ZEB2: variants seen among roughly 807,000 people sequenced by gnomAD.
The protein encoded by ZEB2 is zinc finger E-box-binding homeobox 2.
ZEB2 carries 6 observed loss-of-function variants against 99.9 expected under a neutral mutation model. The observed-to-expected ratio is 0.06, with a 90% CI of 0.03 to 0.12. ZEB2 has a LOEUF of 0.12. ZEB2 is among the 10% of genes least tolerant of loss of function. ZEB2 has a pLI of 1.00. For synonymous variants in ZEB2, 517 were observed against 542.5 expected, an observed-to-expected ratio of 0.95 and a Z score of 0.65; for missense variants, 969 against 1,502.8, an observed-to-expected ratio of 0.64 and a Z score of 5.87.
intron 1 of ZEB2, chr2:144,518,853 T>A (rs1472249660): frequency 6.6e-6 from 1 of 152,196 alleles, no homozygotes; most frequent in Non-Finnish European, 1.5e-5. Flanking sequence ...TAAATACATG[T>A]TTAATAAAGT....
Position 144,474,197 on chromosome 2 carries a change from C to G in ZEB2, c.73+43081G>C, listed in dbSNP as rs540445486. Among the ~76,000 whole-genome samples, 3 of 152,302 alleles carry G rather than the reference C, an allele frequency of 2.0e-5. No individual in the cohort carries two copies. The South Asian group carries it at 6.2e-4, about 32-fold the overall frequency. On this transcript the variant is annotated intron_variant, in intron 2 of 9. Transcript: ENST00000627532. Reference sequence around the variant, plus strand: ...GATTGATTCAGACCAGATGGATGGCCTCACATAGGTGTGACAAAAATAGTA... The same window carrying G: ...GATTGATTCAGACCAGATGGATGGCGTCACATAGGTGTGACAAAAATAGTA...
chr2:144,510,272 T>C (rs1705012874), intron 2 of ZEB2, among the ~76,000 whole-genome samples: 2 of 152,110 alleles, frequency 1.3e-5, no homozygotes, highest in African/African-American at 4.8e-5. Context: ...TTCCTGAGGA[T>C]TTATCAGTGT....
At chr2:144,516,750 G>C (rs769493786) in intron 2 of ZEB2, 4 of 148,294 alleles carry the variant, frequency 2.7e-5, no homozygotes, top group Non-Finnish European at 6.0e-5. Context: ...GTTACTTGGC[G>C]CACCGAGAAG....
intron 2 of ZEB2, among the ~76,000 whole-genome samples, chr2:144,437,250 G>A (rs1703851042): frequency 6.6e-6 from 1 of 152,154 alleles, no homozygotes; most frequent in African/African-American, 2.4e-5. Flanking sequence ...TGGCTAAAAA[G>A]TCTAACAGCA....
Position 144,500,741 on chromosome 2 carries a change from C to T in ZEB2, c.73+16537G>A, listed in dbSNP as rs79327298. ...TGGTAAGTTTATGAATTACTCTGTA[C>T]TAGGCCTGGGAGCTGGGGGCTGGCA... On this transcript the variant is annotated intron_variant, in intron 2 of 9. Coordinates refer to ENST00000627532, the MANE Select transcript of ZEB2 (RefSeq NM_014795.4). 7.4e-3 allele frequency among the ~76,000 whole-genome samples: 1,134 copies of T among 152,268 alleles called. 12 individuals carry two copies. Among genetic ancestry groups the T allele is most frequent in the African/African-American group, 0.025 (1,055 of 41,540 alleles).
chr2:144,434,371 G>T (rs1703810699), intron 2 of ZEB2, among the ~76,000 whole-genome samples: 1 of 152,112 alleles, frequency 6.6e-6, no homozygotes, highest in Admixed American at 6.6e-5. Context: ...TTTATTTGGA[G>T]AAATATAATC....
intron 2 of ZEB2, among the ~76,000 whole-genome samples, chr2:144,509,634 G>A (rs1705001337): frequency 1.3e-5 from 2 of 152,082 alleles, no homozygotes; most frequent in South Asian, 2.1e-4. Flanking sequence ...TGTGTGTGGT[G>A]CATGTGTGTG....
chr2:144,411,493 T>A (rs560455584), intron 4 of ZEB2, among the ~76,000 whole-genome samples: 23 of 152,320 alleles, frequency 1.5e-4, no homozygotes, highest in African/African-American at 5.1e-4. Context: ...ATGTATGCGT[T>A]TTTGCAGAAG....
chr2:144,488,139 T>A (rs958135473), intron 2 of ZEB2, among the ~76,000 whole-genome samples: 1 of 152,208 alleles, frequency 6.6e-6, no homozygotes, highest in Admixed American at 6.5e-5. Flanking sequence ...GTCCACAGCA[T>A]ACCAATCAAT....
In ZEB2 at chr2:144,466,633, C is replaced by T. The variant is rs571544854; in HGVS notation, c.74-36607G>A. ...CTGCAGCCTGATAATCAAGTCAGTA[C>T]TGTATTAATAAGCTGAATAATAAGG... On this transcript the variant is annotated intron_variant, in intron 2 of 9. Coordinates refer to ENST00000627532, the MANE Select transcript of ZEB2 (RefSeq NM_014795.4). 2.7e-4 allele frequency among the ~76,000 whole-genome samples: 41 copies of T among 152,306 alleles called. No homozygotes were observed. In the South Asian group the frequency reaches 8.3e-3, roughly 31 times the overall value.
At chr2:144,392,696 G>A (rs1457469509) in intron 9 of ZEB2, among the ~76,000 whole-genome samples, 1 of 152,150 alleles carries the variant, frequency 6.6e-6, no homozygotes, top group African/African-American at 2.4e-5. Flanking sequence ...AACTGACTTG[G>A]ACATTCATCT....
chr2:144,393,189 A>G (rs1169674944), intron 9 of ZEB2, among the ~76,000 whole-genome samples: 1 of 152,180 alleles, frequency 6.6e-6, no homozygotes, highest in Non-Finnish European at 1.5e-5. Context: ...GTTGAAGTCA[A>G]CATTTACATA....
intron 2 of ZEB2, among the ~76,000 whole-genome samples, chr2:144,472,454 T>C (rs368007685): frequency 7.2e-5 from 11 of 152,038 alleles, no homozygotes; most frequent in South Asian, 2.1e-4. Flanking sequence ...CGGGGTGTGA[T>C]TGGGGAGTCC....
rs1703073353 is a variant in ZEB2, at chr2:144,385,808, A to C, written c.*3643T>G. The C allele has an allele frequency of 6.6e-6, 1 of 152,242 alleles. No homozygotes were observed. The highest frequency in any genetic ancestry group is 2.4e-5 in the African/African-American group (1 of 41,470). The allele number at this position is 152,242 out of a possible 1,614,324, so 9.4% of individuals were successfully genotyped here. ...TGCTTTTATTAAGGCTTACATTATT[A>C]GAAAGATAAAAAATGACCTTTTTAA... On this transcript the variant is annotated 3_prime_UTR_variant, in exon 10 of 10. Coordinates refer to ENST00000627532, the MANE Select transcript of ZEB2 (RefSeq NM_014795.4).
chr2:144,510,712 CTCTCTT>C (rs929045140), intron 2 of ZEB2, among the ~76,000 whole-genome samples: 5 of 151,972 alleles, frequency 3.3e-5, no homozygotes, highest in African/African-American at 9.7e-5. Context: ...CTCTCTCTCT[CTCTCTT>C]TCTCTCTCTC....
At chr2:144,476,360 A>G in intron 2 of ZEB2, among the ~76,000 whole-genome samples, 1 of 152,154 alleles carries the variant, frequency 6.6e-6, no homozygotes, top group East Asian at 1.9e-4. Flanking sequence ...GTGGGCCTCA[A>G]GGGGTTAACA....
At chr2:144,514,883 T>C (rs1178757695) in intron 2 of ZEB2, among the ~76,000 whole-genome samples, 1 of 152,216 alleles carries the variant, frequency 6.6e-6, no homozygotes, top group African/African-American at 2.4e-5. Context: ...TCTCCCAAGT[T>C]AGTGGCTGGG....
rs569205579 is a variant in ZEB2, at chr2:144,411,473, T to C, written c.404-6449A>G. Among the ~76,000 whole-genome samples the C allele has an allele frequency of 3.9e-5, 6 of 152,302 alleles. No individual in the cohort carries two copies. In the South Asian group the frequency reaches 1.2e-3, roughly 32 times the overall value. On this transcript the variant is annotated intron_variant, in intron 4 of 9. Transcript: ENST00000627532. ...ATTAATAAATGTAAGCTTTTCATCATTAAAAGTGCATGTATGCGTTTTTGC... is the reference window on the plus strand; with the variant it reads ...ATTAATAAATGTAAGCTTTTCATCACTAAAAGTGCATGTATGCGTTTTTGC...
At chr2:144,512,547 ATCT>A in intron 2 of ZEB2, 1 of 1,287,236 alleles carries the variant, frequency 7.8e-7, no homozygotes, top group Non-Finnish European at 1.0e-6. Context: ...GGGAACTTTA[ATCT>A]TGGTTTTACC....
Sources: allele counts gnomAD v4.1 joint callset (sites outside exome capture counted in the v4.1 genomes callset), GRCh38; gene constraint gnomAD v4.1.1; transcripts MANE v1.5; gene names NCBI Gene and HGNC (gene_info 2026-07-23, HGNC 2026-07-21).